RFX2: variants seen among roughly 807,000 people sequenced by gnomAD.
RFX2 encodes regulatory factor X2.
A neutral mutation model predicts 87.8 loss-of-function variants in RFX2; 20 were observed. That is an observed-to-expected ratio of 0.23 (90% confidence interval 0.16 to 0.33). RFX2 has a LOEUF of 0.33. RFX2 is among the 10% of genes least tolerant of loss of function. The probability of loss-of-function intolerance (pLI) is 1.00; values close to 1 mark genes in which losing one functional copy is unlikely to be tolerated. For synonymous variants in RFX2, 397 were observed against 431.3 expected (o/e 0.92, Z 0.98); for missense variants, 767 against 1,012.3 (o/e 0.76, Z 3.29).
intron 2 of RFX2, among the ~76,000 whole-genome samples, chr19:6,046,626 T>C (rs1224167481): frequency 7.1e-6 from 1 of 140,304 alleles, no homozygotes; most frequent in African/African-American, 2.9e-5. Context: ...TTTTTTTTTT[T>C]TTTTTGTCAC....
rs2088124834 is a variant in RFX2, at chr19:6,101,374, T to C, written c.-9+9019A>G. ...TGTATTCTGAGAAGGACAGGAGAGG[T>C]GGGAAAAAGGCCTTCGTGTTATTTT... On this transcript the variant is annotated intron_variant, in intron 1 of 17. Transcript: ENST00000303657. The surrounding 1 kb of genome is among the most constrained non-coding windows in gnomAD (Gnocchi z 4.9). 6.6e-6 allele frequency among the ~76,000 whole-genome samples: 1 copy of C among 151,994 alleles called. No individual in the cohort carries two copies. The highest frequency in any genetic ancestry group is 6.6e-5 in the Admixed American group (1 of 15,258).
intron 3 of RFX2, 37 bp from the exon 4 acceptor site, chr19:6,042,160 G>A (rs1018173372): frequency 3.8e-6 from 6 of 1,580,666 alleles, no homozygotes; most frequent in Admixed American, 3.3e-5. Context: ...CGCCAGTCAC[G>A]CCCTCGTGAG....
At chr19:6,033,631 A>C (rs1315489812) in intron 5 of RFX2, among the ~76,000 whole-genome samples, 2 of 151,744 alleles carry the variant, frequency 1.3e-5, no homozygotes, top group African/African-American at 2.4e-5. Context: ...AAAAAAAAAA[A>C]AAAAACCCTA....
chr19:6,091,159 A>G (rs1347390327), intron 1 of RFX2, among the ~76,000 whole-genome samples: 1 of 152,194 alleles, frequency 6.6e-6, no homozygotes, highest in Non-Finnish European at 1.5e-5. Flanking sequence ...TGAAAATCCT[A>G]AAATCCACCA....
chr19:6,013,189 T>G lies in RFX2; in HGVS notation c.780-84A>C. The G allele has an allele frequency of 7.3e-7, 1 of 1,373,064 alleles. No individual in the cohort carries two copies. The highest frequency in any genetic ancestry group is 9.7e-7 in the Non-Finnish European group (1 of 1,034,984). 85.1% of individuals were successfully genotyped at this position (1,373,064 alleles called of 1,614,324 possible). On this transcript the variant is annotated intron_variant, in intron 7 of 17. Transcript: ENST00000303657. This position sits in a 1 kb window ranked among gnomAD's most constrained non-coding sequence, Gnocchi z 4.1. ...GGTTGGGATTCTTTTTCTTTCTTTCTTCTTTTTTTTTTTTGAGACAGAATC... is the reference window on the plus strand; with the variant it reads ...GGTTGGGATTCTTTTTCTTTCTTTCGTCTTTTTTTTTTTTGAGACAGAATC...
chr19:6,079,374 G>A (rs943642887), intron 1 of RFX2, among the ~76,000 whole-genome samples: 22 of 152,312 alleles, frequency 1.4e-4, no homozygotes, highest in Admixed American at 4.6e-4. Context: ...ACTGACACAC[G>A]CAATGACAGA....
At chr19:6,035,850 G>GTGTGTGT (rs1555776253) in intron 5 of RFX2, among the ~76,000 whole-genome samples, 5,734 of 137,188 alleles carry the variant, frequency 0.042, 157 homozygotes, top group Middle Eastern at 0.057. Context: ...CTTGGTGGGG[G>GTGTGTGT]GTGTGTGTGT....
intron 1 of RFX2, among the ~76,000 whole-genome samples, chr19:6,107,033 C>T (rs959309686): frequency 4.0e-5 from 6 of 151,774 alleles, no homozygotes; most frequent in Non-Finnish European, 5.9e-5. Context: ...CGGTGGCTCA[C>T]GCCTATAATC....
chr19:6,039,999 G>C lies in RFX2; in HGVS notation c.503C>G (p.Ser168Cys), dbSNP rs747867889. The C allele has an allele frequency of 3.3e-5, 52 of 1,591,782 alleles. 1 individual carries two copies. The highest frequency in any genetic ancestry group is 1.0e-4 in the South Asian group (9 of 89,420). Reference protein sequence around the residue: ...DSTRHSLAHTSRSSPATLEMA... With the variant: ...DSTRHSLAHTCRSSPATLEMA... ...ACATACCGTGGCGGGCGATGAGCGGGAGGTGTGGGCCAGGGAGTGTCTGGT... is the reference window on the plus strand; with the variant it reads ...ACATACCGTGGCGGGCGATGAGCGGCAGGTGTGGGCCAGGGAGTGTCTGGT... The change falls in exon 5 of 18, where the codon TCC becomes TGC. Residue 168 changes from serine to cysteine, a missense_variant. Physicochemically the swap from Ser to Cys is moderately radical, Grantham distance 112. Transcript: ENST00000303657. This position sits in a 1 kb window ranked among gnomAD's most constrained non-coding sequence, Gnocchi z 5.2.
rs988370968 is a variant in RFX2 at position 5,994,072 on chromosome 19, C to T, written c.*763G>A. ...CTTCTGGTTTTGATTTTTTGAAAGA[C>T]ACTGCTGTGTCCTGGCACGAGCGAG... On this transcript the variant is annotated 3_prime_UTR_variant, in exon 18 of 18. Coordinates refer to ENST00000303657, the MANE Select transcript of RFX2 (RefSeq NM_000635.4). The T allele has an allele frequency of 6.6e-6, 1 of 152,284 alleles. No individual in the cohort carries two copies. Among genetic ancestry groups the T allele is most frequent in the Non-Finnish European group, 1.5e-5 (1 of 68,064 alleles). 9.4% of individuals were successfully genotyped at this position (152,284 alleles called of 1,614,324 possible).
intron 1 of RFX2, among the ~76,000 whole-genome samples, chr19:6,088,755 A>T (rs895013028): frequency 5.9e-5 from 9 of 152,218 alleles, no homozygotes; most frequent in Non-Finnish European, 1.2e-4. Flanking sequence ...CTAGTCACAT[A>T]TAGCCAAGTA....
Position 6,050,125 on chromosome 19 carries a change from G to GA in RFX2, c.-8-2622dup, listed in dbSNP as rs1252142711. ...TGGGGGAGATACCAGGGGTCTTGGG[G>GA]AAAAACCAGCAGTGCAAAGATAAAA... On this transcript the variant is annotated intron_variant, in intron 1 of 17. Coordinates refer to ENST00000303657, the MANE Select transcript of RFX2 (RefSeq NM_000635.4). This position sits in a 1 kb window ranked among gnomAD's most constrained non-coding sequence, Gnocchi z 4.6. Among the ~76,000 whole-genome samples the GA allele has an allele frequency of 6.6e-6, 1 of 152,170 alleles. No homozygotes were observed. The highest frequency in any genetic ancestry group is 1.5e-5 in the Non-Finnish European group (1 of 68,026).
Position 5,997,481 on chromosome 19 carries a change from A to C in RFX2, c.1860-268T>G. 1 of 405,924 alleles carries C rather than the reference A, an allele frequency of 2.5e-6. No homozygotes were observed. Among genetic ancestry groups the C allele is most frequent in the Non-Finnish European group, 4.4e-6 (1 of 228,220 alleles). The allele number at this position is 405,924 out of a possible 1,614,324, so 25.1% of individuals were successfully genotyped here. A position where few individuals can be genotyped will look rare whatever the true frequency, so the allele number is the denominator to read the frequency against. On this transcript the variant is annotated intron_variant, in intron 15 of 17. Transcript: ENST00000303657. The surrounding 1 kb of genome is among the most constrained non-coding windows in gnomAD (Gnocchi z 4.2). Reference sequence around the variant, plus strand: ...GAGGGAGATGGGCAGTCAGCCCCAAAGCGACAGGCTGCGGGAAACAACTGT... The same window carrying C: ...GAGGGAGATGGGCAGTCAGCCCCAACGCGACAGGCTGCGGGAAACAACTGT...
chr19:6,042,023 G>T, intron 4 of RFX2, 21 bp downstream of exon 4: 1 of 1,606,400 alleles, frequency 6.2e-7, no homozygotes, highest in South Asian at 1.1e-5. Context: ...TCCGGGTGTG[G>T]CCCGCGGGAG....
chr19:6,102,494 G>A (rs886295111), intron 1 of RFX2, among the ~76,000 whole-genome samples: 1 of 152,242 alleles, frequency 6.6e-6, no homozygotes. Context: ...GGTACCGGCT[G>A]ATGTGAACTC....
chr19:6,054,373 A>T (rs1168947659), intron 1 of RFX2, among the ~76,000 whole-genome samples: 1 of 152,242 alleles, frequency 6.6e-6, no homozygotes, highest in African/African-American at 2.4e-5. Flanking sequence ...AGAATACTTC[A>T]CAACTCATTT....
At position 5,997,701 on chromosome 19, in the gene RFX2, G is replaced by T. The variant is rs978409659; in HGVS notation, c.1860-488C>A. ...TGTGGTTTCAGGCACCTAAAAACAA[G>T]ACAAAAAGCCAGGGTGCTTTAGTCT... On this transcript the variant is annotated intron_variant, in intron 15 of 17. Transcript: ENST00000303657. The surrounding 1 kb of genome is among the most constrained non-coding windows in gnomAD (Gnocchi z 4.2). Among the ~76,000 whole-genome samples the T allele has an allele frequency of 2.6e-5, 4 of 152,148 alleles. No homozygotes were observed. Among genetic ancestry groups the T allele is most frequent in the African/African-American group, 4.8e-5 (2 of 41,420 alleles).
intron 1 of RFX2, among the ~76,000 whole-genome samples, chr19:6,103,168 G>C (rs1401920345): frequency 1.3e-5 from 2 of 152,148 alleles, no homozygotes; most frequent in African/African-American, 4.8e-5. Flanking sequence ...TGGCTTTTCA[G>C]CTTTTTCTCC....
intron 1 of RFX2, among the ~76,000 whole-genome samples, chr19:6,102,054 A>T (rs995822022): frequency 6.6e-6 from 1 of 152,198 alleles, no homozygotes; most frequent in South Asian, 2.1e-4. Context: ...CAAATACTCT[A>T]TGATTCCACT....
Sources: gnomAD v4.1 joint callset for allele counts (sites outside exome capture counted in the v4.1 genomes callset) on GRCh38, gnomAD v4.1.1 for gene constraint, Gnocchi (gnomAD v3.1) non-coding constraint, MANE v1.5 for transcripts, NCBI Gene and HGNC (gene_info 2026-07-23, HGNC 2026-07-21) for gene names.